The following PCLO variants were observed in gnomAD, a reference collection of about 807,000 sequenced individuals.
The protein encoded by PCLO is piccolo presynaptic cytomatrix protein.
Under a neutral mutation model 427.5 loss-of-function variants are expected in PCLO, and 82 were observed. That is an observed-to-expected ratio of 0.19 (90% confidence interval 0.16 to 0.23). PCLO has a LOEUF of 0.23. Among genes scored for constraint, PCLO ranks in the 10% least tolerant of loss-of-function variants. PCLO has a pLI of 1.00. For missense variants in PCLO, 6,239 were observed against 6,115.9 expected (o/e 1.02, Z -0.67); for synonymous variants, 2,357 against 2,155.4 (o/e 1.09, Z -2.59).
chr7:82,968,651 C>T (rs188887131), intron 3 of PCLO, among the ~76,000 whole-genome samples: 1 of 151,356 alleles, frequency 6.6e-6, no homozygotes, highest in African/African-American at 2.4e-5. Context: ...TCCTGAGTAG[C>T]TGGGATTACA....
chr7:82,870,976 T>G (rs189142540), intron 10 of PCLO, among the ~76,000 whole-genome samples: 1 of 151,912 alleles, frequency 6.6e-6, no homozygotes, highest in Non-Finnish European at 1.5e-5. Context: ...TGGCAAAGAC[T>G]TGAAGAAAGA....
chr7:82,990,144 G>C (rs1253327042), intron 3 of PCLO, among the ~76,000 whole-genome samples: 9 of 152,068 alleles, frequency 5.9e-5, no homozygotes, highest in Admixed American at 4.6e-4. Context: ...GAGGTTGTAG[G>C]AGTTGAGGGC....
At chr7:82,798,368 G>A (rs138972240) in intron 22 of PCLO, among the ~76,000 whole-genome samples, 52 of 152,184 alleles carry the variant, frequency 3.4e-4, no homozygotes, top group African/African-American at 1.1e-3. Flanking sequence ...AAAAAAAATT[G>A]AATTGACTCG....
At chr7:83,019,444 A>T (rs2116046670) in intron 3 of PCLO, among the ~76,000 whole-genome samples, 1 of 151,280 alleles carries the variant, frequency 6.6e-6, no homozygotes, top group African/African-American at 2.4e-5. Context: ...TTTTTTTTTT[A>T]ACAAAATGTA....
intron 1 of PCLO, among the ~76,000 whole-genome samples, chr7:83,159,067 A>G (rs1406116154): frequency 6.6e-6 from 1 of 152,116 alleles, no homozygotes; most frequent in Non-Finnish European, 1.5e-5. Context: ...TCTTTGCATC[A>G]TTAGAACCAA....
intron 3 of PCLO, among the ~76,000 whole-genome samples, chr7:83,120,402 G>GAAA (rs35143407): frequency 0.39 from 31,447 of 80,266 alleles, 5,622 homozygotes; most frequent in East Asian, 0.63. Flanking sequence ...CTCTGCCTCA[G>GAAA]AAAAAAAAAA....
chr7:83,131,860 C>CT (rs1791582358), intron 3 of PCLO, among the ~76,000 whole-genome samples: 3 of 152,078 alleles, frequency 2.0e-5, no homozygotes, highest in Admixed American at 2.0e-4. Context: ...AGTAGGAACA[C>CT]TGACATTGTA....
chr7:83,144,527 C>T (rs142285292), intron 2 of PCLO, among the ~76,000 whole-genome samples: 3 of 152,050 alleles, frequency 2.0e-5, no homozygotes, highest in Non-Finnish European at 2.9e-5. Flanking sequence ...TGAATAGATG[C>T]TCCTTACAAC....
intron 3 of PCLO, among the ~76,000 whole-genome samples, chr7:83,062,039 T>C (rs1389102923): frequency 2.0e-5 from 3 of 152,194 alleles, no homozygotes; most frequent in African/African-American, 4.8e-5. Flanking sequence ...TAAGATCCAA[T>C]TGGTATAAGG....
intron 22 of PCLO, among the ~76,000 whole-genome samples, chr7:82,798,000 G>A (rs1358178259): frequency 6.6e-6 from 1 of 152,026 alleles, no homozygotes; most frequent in Non-Finnish European, 1.5e-5. Context: ...AACAGAAATT[G>A]TAACTCCCTA....
chr7:83,152,166 G>A (rs1226899839), intron 2 of PCLO, among the ~76,000 whole-genome samples: 2 of 151,246 alleles, frequency 1.3e-5, no homozygotes, highest in Non-Finnish European at 2.9e-5. Flanking sequence ...GGGTTTCACT[G>A]TGTTAGCCAG....
intron 20 of PCLO, among the ~76,000 whole-genome samples, chr7:82,817,574 A>T (rs1044932490): frequency 2.0e-5 from 3 of 152,068 alleles, no homozygotes; most frequent in African/African-American, 7.2e-5. Context: ...AGCAGCTCCC[A>T]CAGAGTGATG....
At chr7:82,816,546 C>A (rs1318139441) in intron 20 of PCLO, among the ~76,000 whole-genome samples, 1 of 152,104 alleles carries the variant, frequency 6.6e-6, no homozygotes, top group East Asian at 1.9e-4. Flanking sequence ...AAAAACTAGG[C>A]TTTATGGGTA....
chr7:83,108,535 T>C (rs1327905248), intron 3 of PCLO, among the ~76,000 whole-genome samples: 1 of 151,960 alleles, frequency 6.6e-6, no homozygotes, highest in African/African-American at 2.4e-5. Flanking sequence ...AAATATAATA[T>C]TGCTCAAATG....
intron 3 of PCLO, among the ~76,000 whole-genome samples, chr7:83,106,744 T>G (rs1790867305): frequency 6.6e-6 from 1 of 152,258 alleles, no homozygotes; most frequent in Non-Finnish European, 1.5e-5. Context: ...ATAAAAAATT[T>G]AACTAAGTCA....
At chr7:83,113,208 G>C (rs1216688789) in intron 3 of PCLO, among the ~76,000 whole-genome samples, 1 of 152,164 alleles carries the variant, frequency 6.6e-6, no homozygotes, top group Non-Finnish European at 1.5e-5. Flanking sequence ...AGCCATAAGA[G>C]GTTAAACAAT....
intron 1 of PCLO, among the ~76,000 whole-genome samples, chr7:83,160,382 T>C (rs10236508): frequency 2.2e-3 from 340 of 152,302 alleles, no homozygotes; most frequent in African/African-American, 7.7e-3. Context: ...TATGCCGTCC[T>C]ATATTAATTA....
intron 10 of PCLO, among the ~76,000 whole-genome samples, chr7:82,870,079 T>C (rs1793193681): frequency 6.6e-6 from 1 of 151,748 alleles, no homozygotes; most frequent in Admixed American, 6.6e-5. Flanking sequence ...TTCACAGAAA[T>C]ACAAAAAAAT....
rs557322223 is a variant in PCLO at position 82,798,048 on chromosome 7, A to G, written c.15007+3470T>C. ...TTACATTCTGAACCCCATAAAGCAAAAACAAGAATAAAAATTGTATGTGAA... is the reference window on the plus strand; with the variant it reads ...TTACATTCTGAACCCCATAAAGCAAGAACAAGAATAAAAATTGTATGTGAA... On this transcript the variant is annotated intron_variant, in intron 22 of 24. Coordinates refer to ENST00000333891, the MANE Select transcript of PCLO (RefSeq NM_033026.6). Among the ~76,000 whole-genome samples, 5 of 152,232 alleles carry G rather than the reference A, an allele frequency of 3.3e-5. No homozygotes were observed. The South Asian group carries it at 8.3e-4, about 25-fold the overall frequency.
Sources: gnomAD v4.1 joint callset for allele counts (sites outside exome capture counted in the v4.1 genomes callset) on GRCh38, gnomAD v4.1.1 for gene constraint, MANE v1.5 for transcripts, NCBI Gene and HGNC (gene_info 2026-07-23, HGNC 2026-07-21) for gene names.